Variants in COL6A6 observed in about 807,000 individuals in gnomAD.
COL6A6 encodes collagen alpha-6(VI) chain.
A neutral mutation model predicts 208.6 loss-of-function variants in COL6A6; 183 were observed. The observed-to-expected ratio is 0.88, with a 90% CI of 0.78 to 0.99. COL6A6 has a LOEUF of 0.99. Among genes scored for constraint, COL6A6 ranks in the 50% least tolerant of loss-of-function variants. The pLI, the probability that COL6A6 is intolerant of heterozygous loss-of-function variation, is 0.00. For synonymous variants in COL6A6, 973 were observed against 1,011.8 expected (o/e 0.96, Z 0.73); for missense variants, 2,816 against 2,815.2 (o/e 1.00, Z -0.01).
At position 130,676,803 on chromosome 3, in the gene COL6A6, G is replaced by C. The variant is rs375592023; in HGVS notation, c.*1406G>C. 5.3e-5 allele frequency: 8 copies of C among 152,330 alleles called. No individual in the cohort carries two copies. In the South Asian group the frequency reaches 1.0e-3, roughly 20 times the overall value. 9.4% of individuals were successfully genotyped at this position (152,330 alleles called of 1,614,324 possible). A position where few individuals can be genotyped will look rare whatever the true frequency, so the allele number is the denominator to read the frequency against. On this transcript the variant is annotated 3_prime_UTR_variant, in exon 37 of 37. Transcript: ENST00000358511. ...ATGTCACATTCATACTCAGGTAATA[G>C]AGAAGAATAAAACACATCAGGTTTG...
rs2062947242 is a variant in COL6A6 at position 130,563,613 on chromosome 3, A to C, written c.610A>C (p.Lys204Gln). ...MFSQNMTHII[K>Q]DVIKYKEGAV... The stretch of plus-strand genomic sequence containing the variant: ...TTCCCAAAACATGACACACATCATC[A>C]AGGATGTAATAAAGTACAAGGAGGG... The change falls in exon 3 of 37, where the codon AAG (lysine) becomes CAG (glutamine). Residue 204 changes from lysine to glutamine, a missense_variant. Coordinates refer to ENST00000358511, the MANE Select transcript of COL6A6 (RefSeq NM_001102608.3). 11 of 1,613,938 alleles carry C rather than the reference A, an allele frequency of 6.8e-6. No individual in the cohort carries two copies. The highest frequency in any genetic ancestry group is 9.3e-6 in the Non-Finnish European group (11 of 1,179,830).
intron 17 of COL6A6, 141 bp from the exon 18 acceptor site, chr3:130,594,140 G>T (rs1171013348): frequency 9.0e-6 from 6 of 667,560 alleles, no homozygotes; most frequent in African/African-American, 3.7e-5. Flanking sequence ...TAATTTTTTC[G>T]GTTGTTCATC....
intron 34 of COL6A6, 58 bp from the exon 35 acceptor site, chr3:130,661,579 A>G: frequency 7.3e-7 from 1 of 1,365,918 alleles, no homozygotes; most frequent in Non-Finnish European, 1.0e-6. Context: ...AATATTTGAC[A>G]TGCTATCTTC....
At chr3:130,609,885 TG>T (rs913374181) in intron 22 of COL6A6, among the ~76,000 whole-genome samples, 21 of 152,100 alleles carry the variant, frequency 1.4e-4, no homozygotes, top group Middle Eastern at 6.8e-3. Context: ...GTCTTCCCCT[TG>T]GACCTTTATC....
chr3:130,656,754 A>G (rs2065800080), intron 33 of COL6A6, among the ~76,000 whole-genome samples: 1 of 152,212 alleles, frequency 6.6e-6, no homozygotes, highest in Non-Finnish European at 1.5e-5. Context: ...AGCTGCCCTG[A>G]GAACCCCCCT....
At chr3:130,588,522 A>G (rs1424896358) in intron 11 of COL6A6, among the ~76,000 whole-genome samples, 1 of 152,234 alleles carries the variant, frequency 6.6e-6, no homozygotes, top group Non-Finnish European at 1.5e-5. Flanking sequence ...AATCCCCTAC[A>G]GCAAGTGCTT....
chr3:130,618,648 A>G (rs1041193016), intron 23 of COL6A6, among the ~76,000 whole-genome samples: 1 of 152,216 alleles, frequency 6.6e-6, no homozygotes, highest in Non-Finnish European at 1.5e-5. Flanking sequence ...CTGGGTAACC[A>G]TTCACTGAGG....
At chr3:130,559,156 T>C (rs535688117) in intron 1 of COL6A6, among the ~76,000 whole-genome samples, 1 of 152,366 alleles carries the variant, frequency 6.6e-6, no homozygotes, top group African/African-American at 2.4e-5. Flanking sequence ...TTTATTGTTA[T>C]ACACATTAAT....
chr3:130,551,254 T>C (rs1277861913), intron 1 of COL6A6, among the ~76,000 whole-genome samples: 1 of 152,202 alleles, frequency 6.6e-6, no homozygotes, highest in East Asian at 1.9e-4. Context: ...GTATCAGCTC[T>C]TCTTTATACA....
chr3:130,663,850 T>G (rs1340295484), intron 35 of COL6A6, among the ~76,000 whole-genome samples: 1 of 152,262 alleles, frequency 6.6e-6, no homozygotes, highest in African/African-American at 2.4e-5. Context: ...CTTCTAGAAC[T>G]TAGATCTATA....
At chr3:130,529,391 A>C (rs1206992739) in intron 1 of COL6A6, among the ~76,000 whole-genome samples, 1 of 152,114 alleles carries the variant, frequency 6.6e-6, no homozygotes, top group African/African-American at 2.4e-5. Flanking sequence ...TTCACTCTGA[A>C]TTCAGGAAAT....
At chr3:130,577,037 C>T (rs2063314313) in intron 8 of COL6A6, among the ~76,000 whole-genome samples, 1 of 152,128 alleles carries the variant, frequency 6.6e-6, no homozygotes, top group Admixed American at 6.5e-5. Flanking sequence ...TGTGATTCAA[C>T]ATATGTGAAA....
At chr3:130,552,365 A>T (rs1322387050) in intron 1 of COL6A6, among the ~76,000 whole-genome samples, 3 of 152,112 alleles carry the variant, frequency 2.0e-5, no homozygotes, top group Non-Finnish European at 4.4e-5. Context: ...GTTCTTGTTG[A>T]TGTGAGCCTG....
intron 25 of COL6A6, among the ~76,000 whole-genome samples, 163 bp from the exon 26 acceptor site, chr3:130,627,156 T>C (rs2064914274): frequency 1.3e-5 from 2 of 152,194 alleles, no homozygotes; most frequent in African/African-American, 4.8e-5. Flanking sequence ...CAATTGCCTT[T>C]AGTACTACTA....
chr3:130,585,037 T>C (rs2063506213), intron 10 of COL6A6, among the ~76,000 whole-genome samples: 1 of 152,214 alleles, frequency 6.6e-6, no homozygotes, highest in Non-Finnish European at 1.5e-5. Flanking sequence ...TCATATAAAA[T>C]CATATCATAT....
chr3:130,662,109 AAAG>A lies in COL6A6; in HGVS notation c.6307_6309del (p.Lys2103del). The A allele has an allele frequency of 1.2e-6, 2 of 1,613,960 alleles. No individual in the cohort carries two copies. The highest frequency in any genetic ancestry group is 1.7e-6 in the Non-Finnish European group (2 of 1,179,868). ...CCAGCCACTTAGATGGGGAAATCTT[AAAG>A]AAGGAATCCTTGCGAGCCAAATGTC... On this transcript the variant is annotated inframe_deletion, in exon 35 of 37. Coordinates refer to ENST00000358511, the MANE Select transcript of COL6A6 (RefSeq NM_001102608.3).
intron 31 of COL6A6, among the ~76,000 whole-genome samples, chr3:130,644,172 T>G (rs1576386206): frequency 6.6e-6 from 1 of 152,356 alleles, no homozygotes; most frequent in East Asian, 1.9e-4. Context: ...CTTTTGCATA[T>G]TTTATTTTAT....
In COL6A6 at chr3:130,555,221, G is replaced by A. The variant is rs1159367491; in HGVS notation, c.-31-5113G>A. 3.3e-5 allele frequency among the ~76,000 whole-genome samples: 5 copies of A among 152,166 alleles called. No homozygotes were observed. In the South Asian group the frequency reaches 1.0e-3, roughly 31 times the overall value. On this transcript the variant is annotated intron_variant, in intron 1 of 36. Coordinates refer to ENST00000358511, the MANE Select transcript of COL6A6 (RefSeq NM_001102608.3). ...TGCCATTTCCAGTGTCGATTTTGGG[G>A]TCTCATGCTTCCAGGATTCCAGAAG...
intron 1 of COL6A6, among the ~76,000 whole-genome samples, chr3:130,519,355 G>A (rs1710933332): frequency 6.6e-6 from 1 of 152,144 alleles, no homozygotes; most frequent in African/African-American, 2.4e-5. Context: ...ATGGGTTTGT[G>A]AGCTAGACCC....
Sources: gnomAD v4.1 joint callset for allele counts (sites outside exome capture counted in the v4.1 genomes callset) on GRCh38, gnomAD v4.1.1 for gene constraint, MANE v1.5 for transcripts, NCBI Gene and HGNC (gene_info 2026-07-23, HGNC 2026-07-21) for gene names.